PIK3R1: variants seen among roughly 807,000 people sequenced by gnomAD.
The protein encoded by PIK3R1 is phosphatidylinositol 3-kinase regulatory subunit alpha.
A neutral mutation model predicts 98.0 loss-of-function variants in PIK3R1; 29 were observed. That is an observed-to-expected ratio of 0.30 (90% CI 0.22 to 0.40). The LOEUF is 0.40. Ranked by LOEUF, PIK3R1 falls within the 10% of genes least tolerant of loss-of-function variation. The probability of loss-of-function intolerance (pLI) is 1.00; values close to 1 mark genes in which losing one functional copy is unlikely to be tolerated. For synonymous variants in PIK3R1, 282 were observed against 311.8 expected (o/e 0.90, Z 1.01); for missense variants, 596 against 872.7 (o/e 0.68, Z 3.99).
intron 2 of PIK3R1, among the ~76,000 whole-genome samples, chr5:68,270,478 T>G (rs1286079801): frequency 2.0e-5 from 3 of 152,178 alleles, no homozygotes; most frequent in African/African-American, 7.2e-5. Context: ...GACTCTGGAA[T>G]GAGACAAACC....
At chr5:68,256,604 A>C (rs901376617) in intron 2 of PIK3R1, among the ~76,000 whole-genome samples, 1 of 152,140 alleles carries the variant, frequency 6.6e-6, no homozygotes, top group Non-Finnish European at 1.5e-5. Context: ...TACCTTATGA[A>C]GTTGATTGTT....
Position 68,279,718 on chromosome 5 carries a change from A to T in PIK3R1, c.619A>T (p.Ile207Phe). Residue 207 changes from isoleucine (I) to phenylalanine (F), a missense_variant, in exon 5 of 16, where the codon ATT becomes TTT. Coordinates refer to ENST00000521381, the MANE Select transcript of PIK3R1 (RefSeq NM_181523.3). ...TCCAGCAGCCGTTTACAGTGAAATGATTTCTTTAGCTCCAGGTTTGTTTTT... is the reference window on the plus strand; with the variant it reads ...TCCAGCAGCCGTTTACAGTGAAATGTTTTCTTTAGCTCCAGGTTTGTTTTT... ...VIPAAVYSEM[I>F]SLAPEVQSSE... 6.2e-7 allele frequency: 1 copy of T among 1,614,070 alleles called. No homozygotes were observed.
intron 2 of PIK3R1, among the ~76,000 whole-genome samples, chr5:68,235,982 A>G (rs1035259348): frequency 6.8e-6 from 1 of 146,396 alleles, no homozygotes; most frequent in Non-Finnish European, 1.5e-5. Context: ...GCAGTTCTCC[A>G]GCCACAGCCT....
rs143227347 is a variant in PIK3R1 at position 68,242,935 on chromosome 5, A to G, written c.334+15926A>G. On this transcript the variant is annotated intron_variant, in intron 2 of 15. Coordinates refer to ENST00000521381, the MANE Select transcript of PIK3R1 (RefSeq NM_181523.3). ...GTTAACATTTTCATTTGTGTTTTGC[A>G]TGACTCATTTTAAATTACAGTGCTC... 1.2e-3 allele frequency among the ~76,000 whole-genome samples: 184 copies of G among 152,264 alleles called. 5 individuals are homozygous for G. In the East Asian group the frequency reaches 0.034, roughly 28 times the overall value.
In PIK3R1 at chr5:68,301,539, CATTT is replaced by C. The variant is rs1003286891; in HGVS notation, c.*3941_*3944del. On this transcript the variant is annotated 3_prime_UTR_variant, in exon 16 of 16. Coordinates refer to ENST00000521381, the MANE Select transcript of PIK3R1 (RefSeq NM_181523.3). ...AAAAAAATCAAAACAAAAAAAAACT[CATTT>C]ATACCTGTGTATTTTTTAAAGCTAC... 12 of 152,516 alleles carry C rather than the reference CATTT, an allele frequency of 7.9e-5. No homozygotes were observed. Among genetic ancestry groups the C allele is most frequent in the Admixed American group, 2.0e-4 (3 of 14,686 alleles). 9.4% of individuals were successfully genotyped at this position (152,516 alleles called of 1,614,324 possible).
chr5:68,292,221 G>A, intron 7 of PIK3R1, 38 bp from the exon 8 acceptor site: 2 of 1,302,098 alleles, frequency 1.5e-6, no homozygotes, highest in Non-Finnish European at 1.1e-6. Context: ...TTCTAATGTA[G>A]TTGGGATTGC....
At chr5:68,247,410 C>G (rs1321266789) in intron 2 of PIK3R1, among the ~76,000 whole-genome samples, 2 of 152,034 alleles carry the variant, frequency 1.3e-5, no homozygotes, top group African/African-American at 4.8e-5. Flanking sequence ...TTGATCCTCC[C>G]GCCTCAGCCT....
chr5:68,297,415 G>A lies in PIK3R1; in HGVS notation c.1989G>A (p.Val663=), dbSNP rs1180871228. The A allele has an allele frequency of 6.2e-7, 1 of 1,612,740 alleles. No individual in the cohort carries two copies. The highest frequency in any genetic ancestry group is 1.1e-5 in the South Asian group (1 of 90,902). Residue 663 remains valine (V), a synonymous_variant, in exon 16 of 16, where the codon GTG becomes GTA. Transcript: ENST00000521381. ...GTTTTTCTTCTCTCCTCTCTAGGGTGGACGGCGAAGTAAAGCATTGTGTCA... is the reference window on the plus strand; with the variant it reads ...GTTTTTCTTCTCTCCTCTCTAGGGTAGACGGCGAAGTAAAGCATTGTGTCA... ...KQGCYACSVV[V]DGEVKHCVIN...
chr5:68,276,413 C>T (rs1290790036), intron 4 of PIK3R1, among the ~76,000 whole-genome samples: 1 of 152,162 alleles, frequency 6.6e-6, no homozygotes, highest in Non-Finnish European at 1.5e-5. Flanking sequence ...AACCACTAAC[C>T]TAGGGAGAGA....
At chr5:68,232,007 G>A (rs1744497098) in intron 2 of PIK3R1, among the ~76,000 whole-genome samples, 1 of 152,170 alleles carries the variant, frequency 6.6e-6, no homozygotes, top group Admixed American at 6.5e-5. Context: ...ACATTATGGA[G>A]ATTTTTACCC....
At position 68,287,757 on chromosome 5, in the gene PIK3R1, G is replaced by A. The variant is rs561514260; in HGVS notation, c.917-4502G>A. 3.9e-5 allele frequency among the ~76,000 whole-genome samples: 6 copies of A among 152,272 alleles called. No individual in the cohort carries two copies. The South Asian group carries it at 1.0e-3, about 26-fold the overall frequency. On this transcript the variant is annotated intron_variant, in intron 7 of 15. Coordinates refer to ENST00000521381, the MANE Select transcript of PIK3R1 (RefSeq NM_181523.3). ...ACACCTTTTAATTAGCAGGTCATAT[G>A]GCCATTTAAATGCGAGTTGCAATCG...
rs371778244 is a variant in PIK3R1 at position 68,281,003 on chromosome 5, C to T, written c.913C>T (p.Pro305Ser). Reference sequence around the variant, plus strand: ...TGAATGGAATGAACGACAGCCTGCACCAGGTAATGCTTTTTGAGCATTTAA... The same window carrying T: ...TGAATGGAATGAACGACAGCCTGCATCAGGTAATGCTTTTTGAGCATTTAA... ...STEWNERQPA[P>S]ALPPKPPKPT... The change falls in exon 7 of 16, where the codon CCA becomes TCA. Residue 305 changes from proline (P) to serine (S), a missense_variant. Coordinates refer to ENST00000521381, the MANE Select transcript of PIK3R1 (RefSeq NM_181523.3). The T allele has an allele frequency of 1.9e-5, 30 of 1,583,396 alleles. No homozygotes were observed. Among genetic ancestry groups the T allele is most frequent in the Non-Finnish European group, 2.5e-5 (29 of 1,165,332 alleles).
In PIK3R1 at chr5:68,295,720, A is replaced by C. The variant is rs1276253071; in HGVS notation, c.1814+232A>C. 6 of 559,602 alleles carry C rather than the reference A, an allele frequency of 1.1e-5. No individual in the cohort carries two copies. In the Admixed American group the frequency reaches 1.5e-4, roughly 14 times the overall value. The allele number at this position is 559,602 out of a possible 1,614,324, so 34.7% of individuals were successfully genotyped here. On this transcript the variant is annotated intron_variant, in intron 14 of 15. Coordinates refer to ENST00000521381, the MANE Select transcript of PIK3R1 (RefSeq NM_181523.3). The stretch of plus-strand genomic sequence containing the variant: ...TGCTGTGAAACAACTCTCTGTGTCC[A>C]TAATGATGTCCCTGAACATCTGAAA...
chr5:68,253,236 T>C (rs1191691569), intron 2 of PIK3R1, among the ~76,000 whole-genome samples: 1 of 152,198 alleles, frequency 6.6e-6, no homozygotes, highest in African/African-American at 2.4e-5. Context: ...GTATTTATGC[T>C]TTGAGCTGTG....
rs1419325070 is a variant in PIK3R1 at position 68,296,280 on chromosome 5, C to T, written c.1924C>T (p.Arg642Ter). Residue 642 changes from arginine to a stop codon, truncating the protein, a stop_gained, in exon 15 of 16, where the codon CGA (arginine) becomes TGA (stop). Coordinates refer to ENST00000521381, the MANE Select transcript of PIK3R1 (RefSeq NM_181523.3). LOFTEE classifies it high-confidence loss of function. ...AGCTGAAAACCTGTTGCGAGGGAAG[C>T]GAGATGGCACTTTTCTTGTCCGGGA... ...NKAENLLRGK[R>*]DGTFLVRESS... is the part of the protein sequence containing the mutation. The T allele has an allele frequency of 6.2e-7, 1 of 1,614,112 alleles. No homozygotes were observed.
At chr5:68,217,651 T>TGTGC (rs1554044236) in intron 1 of PIK3R1, 1 of 144,182 alleles carries the variant, frequency 6.9e-6, no homozygotes, top group Non-Finnish European at 1.5e-5. Flanking sequence ...TGTGTGTGTG[T>TGTGC]GTGCGCGCGC....
intron 2 of PIK3R1, among the ~76,000 whole-genome samples, chr5:68,265,602 A>C (rs181335616): frequency 2.0e-5 from 3 of 152,208 alleles, no homozygotes; most frequent in East Asian, 3.9e-4. Flanking sequence ...ACTTGCCCTC[A>C]TGACTTCCTG....
At chr5:68,227,040 T>C in intron 2 of PIK3R1, 31 bp downstream of exon 2, 1 of 1,536,860 alleles carries the variant, frequency 6.5e-7, no homozygotes. Flanking sequence ...GCTTAATGAC[T>C]CCCTTTCTTT....
chr5:68,292,815 G>A (rs1747466410), intron 8 of PIK3R1: 1 of 1,075,574 alleles, frequency 9.3e-7, no homozygotes, highest in Non-Finnish European at 1.2e-6. Context: ...TAAAAACTTA[G>A]TACCACAGAT....
Sources: allele counts gnomAD v4.1 joint callset (sites outside exome capture counted in the v4.1 genomes callset), GRCh38; gene constraint gnomAD v4.1.1; transcripts MANE v1.5; gene names NCBI Gene and HGNC (gene_info 2026-07-23, HGNC 2026-07-21).